Variants in MECOM observed in about 807,000 individuals in gnomAD.
MECOM encodes histone-lysine N-methyltransferase MECOM.
In MECOM, 13 loss-of-function variants were observed where a neutral mutation model predicts 116.3. The observed-to-expected ratio is 0.11, with a 90% CI of 0.07 to 0.18. The LOEUF is 0.18. Among genes scored for constraint, MECOM ranks in the 10% least tolerant of loss-of-function variants. The pLI is 1.00. For missense variants in MECOM, 1,299 were observed against 1,509.0 expected, an observed-to-expected ratio of 0.86 and a Z score of 2.31; for synonymous variants, 528 against 535.2, an observed-to-expected ratio of 0.99 and a Z score of 0.19.
intron 2 of MECOM, among the ~76,000 whole-genome samples, chr3:169,154,529 C>A (rs966673480): frequency 6.6e-6 from 1 of 152,170 alleles, no homozygotes; most frequent in Admixed American, 6.5e-5. Flanking sequence ...GATCTCCTGC[C>A]AGATCCTCTG....
chr3:169,477,099 GTGTGTGTATATATATATATATATA>G (rs1478994303), intron 1 of MECOM: 1 of 46,256 alleles, frequency 2.2e-5, no homozygotes, highest in African/African-American at 1.1e-4. Flanking sequence ...GTGTGTGTGT[GTGTGTGTATATATATATATATATA>G]TATATATATA....
At chr3:169,483,408 C>T (rs1438220202) in intron 1 of MECOM, among the ~76,000 whole-genome samples, 1 of 146,370 alleles carries the variant, frequency 6.8e-6, no homozygotes, top group African/African-American at 2.5e-5. Context: ...CCTCCACACC[C>T]GCATCTGCCT....
chr3:169,645,322 C>T (rs1336074229), intron 1 of MECOM, among the ~76,000 whole-genome samples: 5 of 152,030 alleles, frequency 3.3e-5, no homozygotes, highest in Non-Finnish European at 7.4e-5. Flanking sequence ...GGTTTCCCTG[C>T]ACACCTTCTG....
intron 13 of MECOM, among the ~76,000 whole-genome samples, chr3:169,094,253 AT>A (rs557086453): frequency 4.3e-4 from 66 of 152,002 alleles, no homozygotes; most frequent in Non-Finnish European, 8.4e-4. Context: ...ATTAATCCAA[AT>A]TTTTTCTGTT....
chr3:169,480,460 TC>T (rs1164166597), intron 1 of MECOM, among the ~76,000 whole-genome samples: 5 of 152,258 alleles, frequency 3.3e-5, no homozygotes, highest in Middle Eastern at 3.4e-3. Flanking sequence ...CCCAACCCCT[TC>T]CCCTGTGGCT....
In MECOM at chr3:169,083,913, T is replaced by C. The variant is rs1343849353; in HGVS notation, c.*996A>G. ...AAAAACTAAGTTGCATCTATTCGTA[T>C]TTAGTTCATTAAGAAGGAAAACAAA... On this transcript the variant is annotated 3_prime_UTR_variant, in exon 17 of 17. Coordinates refer to ENST00000651503, the MANE Select transcript of MECOM (RefSeq NM_004991.4). The C allele has an allele frequency of 1.3e-5, 3 of 223,840 alleles. No homozygotes were observed. The highest frequency in any genetic ancestry group is 2.7e-5 in the Non-Finnish European group (3 of 112,224). 13.9% of individuals were successfully genotyped at this position (223,840 alleles called of 1,614,324 possible). A position where few individuals can be genotyped will look rare whatever the true frequency, so the allele number is the denominator to read the frequency against.
intron 1 of MECOM, among the ~76,000 whole-genome samples, chr3:169,465,550 T>G (rs891842357): frequency 6.6e-6 from 1 of 152,224 alleles, no homozygotes; most frequent in South Asian, 2.1e-4. Flanking sequence ...ATCATCAAAA[T>G]GTGATCTCTC....
chr3:169,357,178 T>C (rs1397768972), intron 2 of MECOM, among the ~76,000 whole-genome samples: 1 of 151,894 alleles, frequency 6.6e-6, no homozygotes, highest in Non-Finnish European at 1.5e-5. Flanking sequence ...TGCTCTTTAT[T>C]AGGAATCCTG....
intron 1 of MECOM, among the ~76,000 whole-genome samples, chr3:169,573,741 C>T (rs182594214): frequency 6.6e-6 from 1 of 152,026 alleles, no homozygotes. Flanking sequence ...ATCTTTTGAA[C>T]TAATAAAAAC....
rs1445190646 is a variant in MECOM, at chr3:169,267,042, G to A, written c.375+114145C>T. 3.9e-5 allele frequency among the ~76,000 whole-genome samples: 6 copies of A among 152,296 alleles called. No individual in the cohort carries two copies. In the East Asian group the frequency reaches 5.8e-4, roughly 15 times the overall value. On this transcript the variant is annotated intron_variant, in intron 2 of 16. Coordinates refer to ENST00000651503, the MANE Select transcript of MECOM (RefSeq NM_004991.4). ...AGCCCCTCAAAGGGGACTGACTTAT[G>A]GACATGCACTATTTTCATTGTTCTT...
At chr3:169,266,866 A>T (rs190604026) in intron 2 of MECOM, among the ~76,000 whole-genome samples, 1 of 152,148 alleles carries the variant, frequency 6.6e-6, no homozygotes, top group East Asian at 1.9e-4. Context: ...TCAGGTCATT[A>T]TAGGGAAAGA....
intron 1 of MECOM, among the ~76,000 whole-genome samples, chr3:169,485,247 G>A (rs1306023660): frequency 1.3e-5 from 2 of 151,996 alleles, no homozygotes; most frequent in Non-Finnish European, 1.5e-5. Context: ...TAACCGCCTC[G>A]GCCTCCCAAA....
intron 2 of MECOM, among the ~76,000 whole-genome samples, chr3:169,305,696 A>T (rs1206622773): frequency 6.6e-6 from 1 of 152,210 alleles, no homozygotes; most frequent in Non-Finnish European, 1.5e-5. Flanking sequence ...TTCATGCCAC[A>T]CCTTTCAGTG....
chr3:169,115,983 G>A lies in MECOM; in HGVS notation c.1889C>T (p.Ala630Val), dbSNP rs1421807398. 6.2e-7 allele frequency: 1 copy of A among 1,614,008 alleles called. No homozygotes were observed. Residue 630 changes from alanine to valine, a missense_variant, in exon 8 of 17, where the codon GCT (alanine) becomes GTT (valine). By Grantham distance (64) the Ala-to-Val change is moderately conservative. Transcript: ENST00000651503. ...GTATTCTTTCTTATTATTTATTGAA[G>A]CCAGATTCTGAAGAGGGCTTACTTT... ...KDKVSPLQNLASINNKKEYSN... is the reference protein window; with the variant it reads ...KDKVSPLQNLVSINNKKEYSN...
chr3:169,566,555 GTTA>G (rs759699009), intron 1 of MECOM, among the ~76,000 whole-genome samples: 10 of 152,150 alleles, frequency 6.6e-5, no homozygotes, highest in Non-Finnish European at 1.3e-4. Flanking sequence ...ATTGATGGGG[GTTA>G]TTATTTCCCC....
intron 1 of MECOM, among the ~76,000 whole-genome samples, chr3:169,549,913 A>G (rs1181325254): frequency 1.3e-5 from 2 of 152,198 alleles, no homozygotes; most frequent in African/African-American, 4.8e-5. Flanking sequence ...CTTGAAATCT[A>G]GTGGGCAGAC....
At chr3:169,147,572 A>C in intron 2 of MECOM, 3 of 985,420 alleles carry the variant, frequency 3.0e-6, no homozygotes, top group Non-Finnish European at 3.6e-6. Flanking sequence ...CAAGTCCTAT[A>C]GGGACAGACT....
chr3:169,306,110 C>A (rs1205826820), intron 2 of MECOM, among the ~76,000 whole-genome samples: 1 of 151,986 alleles, frequency 6.6e-6, no homozygotes, highest in African/African-American at 2.4e-5. Flanking sequence ...ATTTAAATAT[C>A]TTTTATGACA....
chr3:169,104,743 C>T (rs1191289529), intron 10 of MECOM, among the ~76,000 whole-genome samples: 1 of 152,062 alleles, frequency 6.6e-6, no homozygotes, highest in Non-Finnish European at 1.5e-5. Context: ...ACACATAAAC[C>T]ACAAGTCCTT....
Sources: gnomAD v4.1 joint callset for allele counts (sites outside exome capture counted in the v4.1 genomes callset) on GRCh38, gnomAD v4.1.1 for gene constraint, MANE v1.5 for transcripts, NCBI Gene and HGNC (gene_info 2026-07-23, HGNC 2026-07-21) for gene names.